The following CTDSPL variants were observed in gnomAD, a reference collection of about 807,000 sequenced individuals.
CTDSPL encodes CTD small phosphatase-like protein.
Under a neutral mutation model 30.5 loss-of-function variants are expected in CTDSPL, and 8 were observed. The observed-to-expected ratio is 0.26, with a 90% CI of 0.15 to 0.47. The LOEUF is 0.47. Ranked by LOEUF, CTDSPL falls within the 20% of genes least tolerant of loss-of-function variation. The pLI is 0.99. For missense variants in CTDSPL, 248 were observed against 366.1 expected (o/e 0.68, Z 2.63); for synonymous variants, 110 against 137.9 (o/e 0.80, Z 1.42).
chr3:37,908,481 C>A (rs1698542834), intron 1 of CTDSPL, among the ~76,000 whole-genome samples: 1 of 152,020 alleles, frequency 6.6e-6, no homozygotes, highest in African/African-American at 2.4e-5. Flanking sequence ...TTTTTAATGG[C>A]TGGGTAATAT....
At chr3:37,887,969 G>T (rs1698281282) in intron 1 of CTDSPL, among the ~76,000 whole-genome samples, 1 of 152,188 alleles carries the variant, frequency 6.6e-6, no homozygotes, top group Non-Finnish European at 1.5e-5. Context: ...CTTTGATAAG[G>T]TGGCAGTTAC....
intron 6 of CTDSPL, among the ~76,000 whole-genome samples, chr3:37,972,272 G>A (rs112046582): frequency 0.11 from 16,976 of 152,166 alleles, 993 homozygotes; most frequent in South Asian, 0.15. Context: ...CAAGGAGGGC[G>A]TATCACCTGA....
At chr3:37,964,112 A>G (rs1699273195) in intron 3 of CTDSPL, among the ~76,000 whole-genome samples, 1 of 148,166 alleles carries the variant, frequency 6.7e-6, no homozygotes, top group Admixed American at 6.9e-5. Context: ...TATGTGCCAC[A>G]GTGAATTTCA....
chr3:37,889,115 A>G (rs1371250249), intron 1 of CTDSPL, among the ~76,000 whole-genome samples: 1 of 152,226 alleles, frequency 6.6e-6, no homozygotes, highest in Non-Finnish European at 1.5e-5. Flanking sequence ...ATGGGAGATC[A>G]GAATGTTAGC....
At chr3:37,917,714 C>T (rs1457791223) in intron 1 of CTDSPL, among the ~76,000 whole-genome samples, 1 of 152,170 alleles carries the variant, frequency 6.6e-6, no homozygotes, top group Non-Finnish European at 1.5e-5. Context: ...TGCCCTCAGC[C>T]ACAAACTATC....
At chr3:37,930,981 T>C (rs1334008808) in intron 1 of CTDSPL, among the ~76,000 whole-genome samples, 1 of 152,194 alleles carries the variant, frequency 6.6e-6, no homozygotes, top group Non-Finnish European at 1.5e-5. Context: ...TGGTCTGATA[T>C]AAGTATGGCT....
At position 37,862,262 on chromosome 3, in the gene CTDSPL, G is replaced by T; in HGVS notation, c.63G>T (p.Pro21=). 1.3e-6 allele frequency: 2 copies of T among 1,495,162 alleles called. No individual in the cohort carries two copies. Among genetic ancestry groups the T allele is most frequent in the Non-Finnish European group, 8.9e-7 (1 of 1,125,658 alleles). 92.6% of individuals were successfully genotyped at this position (1,495,162 alleles called of 1,614,324 possible). The part of the protein sequence containing the change: ...TNPKEDEGRL[P]GAGEKASQCN... ...CCAAGGAGGACGAGGGCCGGTTGCC[G>T]GGCGCGGGCGAGAAAGGTGAGGAGG... Residue 21 remains proline, a synonymous_variant, in exon 1 of 8, where the codon CCG becomes CCT. Coordinates refer to ENST00000273179, the MANE Select transcript of CTDSPL (RefSeq NM_001008392.2). The surrounding 1 kb of genome is among the most constrained non-coding windows in gnomAD (Gnocchi z 4.3).
chr3:37,894,049 T>G (rs895005015), intron 1 of CTDSPL, among the ~76,000 whole-genome samples: 9 of 152,162 alleles, frequency 5.9e-5, no homozygotes, highest in Admixed American at 2.0e-4. Context: ...ACTTGAAGGA[T>G]ATTTTCACTG....
chr3:37,863,820 T>G (rs983084512), intron 1 of CTDSPL, among the ~76,000 whole-genome samples: 1 of 152,232 alleles, frequency 6.6e-6, no homozygotes, highest in Non-Finnish European at 1.5e-5. Flanking sequence ...TCAACCTGTT[T>G]GCAGTTTCGT....
rs548089726 is a variant in CTDSPL, at chr3:37,909,272, G to A, written c.80-37785G>A. Among the ~76,000 whole-genome samples the A allele has an allele frequency of 1.7e-4, 26 of 152,298 alleles. No homozygotes were observed. In the East Asian group the frequency reaches 3.3e-3, roughly 19 times the overall value. ...TCACTGAAGCTCTCCAAGCCTTGCC[G>A]AATTCATTTCTGCCATGGAAATGAT... On this transcript the variant is annotated intron_variant, in intron 1 of 7. Transcript: ENST00000273179.
chr3:37,881,011 TG>T, intron 1 of CTDSPL, among the ~76,000 whole-genome samples: 1 of 149,246 alleles, frequency 6.7e-6, no homozygotes, highest in East Asian at 1.9e-4. Flanking sequence ...TACTTGCTCT[TG>T]AGGGGGACCA....
chr3:37,959,673 T>C (rs1306585890), intron 3 of CTDSPL, among the ~76,000 whole-genome samples: 1 of 152,238 alleles, frequency 6.6e-6, no homozygotes, highest in East Asian at 1.9e-4. Context: ...ATATTTCTCT[T>C]AAAAATATCC....
chr3:37,952,360 C>T (rs757981114), intron 2 of CTDSPL, among the ~76,000 whole-genome samples: 8 of 152,220 alleles, frequency 5.3e-5, no homozygotes, highest in Non-Finnish European at 1.2e-4. Flanking sequence ...ATGATGCCAT[C>T]AAGAATCTGT....
chr3:37,881,939 G>A (rs891328948), intron 1 of CTDSPL, among the ~76,000 whole-genome samples: 2 of 152,182 alleles, frequency 1.3e-5, no homozygotes, highest in Non-Finnish European at 2.9e-5. Flanking sequence ...ATACCAAAAT[G>A]TTAAGATTTG....
intron 1 of CTDSPL, among the ~76,000 whole-genome samples, chr3:37,936,936 GA>G (rs1698923847): frequency 7.5e-6 from 1 of 133,494 alleles, no homozygotes; most frequent in Non-Finnish European, 1.8e-5. Context: ...CTCTTGTGAT[GA>G]GAAAGAAGCT....
At chr3:37,918,795 A>G (rs746749889) in intron 1 of CTDSPL, among the ~76,000 whole-genome samples, 38 of 152,270 alleles carry the variant, frequency 2.5e-4, no homozygotes, top group Admixed American at 6.5e-4. Context: ...CCTTCACCCA[A>G]CAAACATTCA....
chr3:37,912,655 G>C (rs1015542438), intron 1 of CTDSPL, among the ~76,000 whole-genome samples: 2 of 152,198 alleles, frequency 1.3e-5, no homozygotes, highest in African/African-American at 4.8e-5. Context: ...AGGGAACTTG[G>C]CACTATAAAC....
chr3:37,929,613 G>A (rs2125614491), intron 1 of CTDSPL, among the ~76,000 whole-genome samples: 1 of 152,270 alleles, frequency 6.6e-6, no homozygotes, highest in African/African-American at 2.4e-5. Flanking sequence ...AAGCAGATCT[G>A]TCTTTTGCAT....
At chr3:37,966,800 T>G (rs916921730) in intron 4 of CTDSPL, among the ~76,000 whole-genome samples, 1 of 152,190 alleles carries the variant, frequency 6.6e-6, no homozygotes, top group Non-Finnish European at 1.5e-5. Flanking sequence ...AGACTTCGGT[T>G]CAGAGTCTGA....
Sources: gnomAD v4.1 joint callset for allele counts (sites outside exome capture counted in the v4.1 genomes callset) on GRCh38, gnomAD v4.1.1 for gene constraint, Gnocchi (gnomAD v3.1) non-coding constraint, MANE v1.5 for transcripts, NCBI Gene and HGNC (gene_info 2026-07-23, HGNC 2026-07-21) for gene names.